STK3: variants seen among roughly 807,000 people sequenced by gnomAD.
STK3 encodes the protein serine/threonine-protein kinase 3.
A neutral mutation model predicts 58.0 loss-of-function variants in STK3; 41 were observed. That is an observed-to-expected ratio of 0.71 (90% CI 0.55 to 0.92). The LOEUF (loss-of-function observed/expected upper bound fraction) is 0.92, where lower values mean the gene tolerates loss of function less well. Ranked by LOEUF, STK3 falls within the 40% of genes least tolerant of loss-of-function variation. The pLI, the probability that STK3 is intolerant of heterozygous loss-of-function variation, is 0.00. For synonymous variants in STK3, 170 were observed against 191.0 expected, an observed-to-expected ratio of 0.89 and a Z score of 0.91; for missense variants, 479 against 602.7, an observed-to-expected ratio of 0.79 and a Z score of 2.15.
At chr8:98,746,699 G>T (rs1829663642) in intron 4 of STK3, among the ~76,000 whole-genome samples, 1 of 151,912 alleles carries the variant, frequency 6.6e-6, no homozygotes, top group South Asian at 2.1e-4. Context: ...AGGCTAAAAG[G>T]AATCACTAAC....
intron 1 of STK3, among the ~76,000 whole-genome samples, chr8:98,925,884 G>C (rs1192481123): frequency 6.6e-6 from 1 of 152,210 alleles, no homozygotes; most frequent in Non-Finnish European, 1.5e-5. Context: ...GTTTGCCCTA[G>C]TGAGTTGAAT....
At chr8:98,491,011 C>T (rs1226064788) in intron 10 of STK3, among the ~76,000 whole-genome samples, 1 of 152,064 alleles carries the variant, frequency 6.6e-6, no homozygotes, top group Non-Finnish European at 1.5e-5. Context: ...TTTATGTTGT[C>T]TGTATATTTT....
intron 3 of STK3, among the ~76,000 whole-genome samples, chr8:98,849,042 C>T (rs1205868376): frequency 1.2e-4 from 18 of 151,826 alleles, no homozygotes; most frequent in African/African-American, 4.1e-4. Flanking sequence ...CTGGCTAACA[C>T]GGTGAAACCC....
intron 4 of STK3, among the ~76,000 whole-genome samples, chr8:98,712,066 T>G (rs575381738): frequency 2.0e-5 from 3 of 152,138 alleles, no homozygotes; most frequent in African/African-American, 7.2e-5. Flanking sequence ...TAAAATACTT[T>G]ACAGACAAGC....
chr8:98,781,032 G>A (rs1832055664), intron 1 of STK3, among the ~76,000 whole-genome samples: 1 of 152,178 alleles, frequency 6.6e-6, no homozygotes, highest in Non-Finnish European at 1.5e-5. Context: ...ACAGGAAGCA[G>A]AATTATCTGT....
In STK3 at chr8:98,749,399, A is replaced by G; in HGVS notation, c.237-9T>C. 2 of 1,436,944 alleles carry G rather than the reference A, an allele frequency of 1.4e-6. No homozygotes were observed. Among genetic ancestry groups the G allele is most frequent in the Non-Finnish European group, 1.9e-6 (2 of 1,056,298 alleles). The allele number at this position is 1,436,944 out of a possible 1,614,324, so 89.0% of individuals were successfully genotyped here. On this transcript the variant is annotated splice_polypyrimidine_tract_variant and intron_variant, in intron 3 of 10. Coordinates refer to ENST00000419617, the MANE Select transcript of STK3 (RefSeq NM_006281.4). ...ACTTTACAACATATGGGCTAAAGGA[A>G]AATACATAAACAATTAAATTTAGTT... is the stretch of plus-strand genomic sequence containing the variant.
intron 6 of STK3, among the ~76,000 whole-genome samples, chr8:98,658,460 G>C (rs1821713749): frequency 6.6e-6 from 1 of 152,020 alleles, no homozygotes; most frequent in Admixed American, 6.6e-5. Flanking sequence ...CTAGTTCTGA[G>C]AGATCAAAAG....
intron 4 of STK3, among the ~76,000 whole-genome samples, chr8:98,748,589 T>TA (rs575113236): frequency 1.2e-4 from 18 of 152,052 alleles, no homozygotes; most frequent in Non-Finnish European, 2.5e-4. Context: ...TTACAAATTA[T>TA]TTCACTGATT....
intron 3 of STK3, among the ~76,000 whole-genome samples, chr8:98,866,157 C>T (rs756697108): frequency 6.6e-6 from 1 of 152,258 alleles, no homozygotes; most frequent in African/African-American, 2.4e-5. Flanking sequence ...TCTCAAAGCA[C>T]CTCCTGTTGA....
At chr8:98,360,515 C>CTT in the STK3 span, among the ~76,000 whole-genome samples, 43 of 145,928 alleles carry the variant, frequency 2.9e-4, no homozygotes, top group Middle Eastern at 3.6e-3. Flanking sequence ...CAATTTCTTT[C>CTT]TTTTTTTTTT....
chr8:98,373,258 C>A (rs115254148), intron 2 of STK3, among the ~76,000 whole-genome samples: 2,610 of 152,284 alleles, frequency 0.017, 36 homozygotes, highest in Middle Eastern at 0.031. Context: ...TGTGTCCGAG[C>A]CAGATGATTG....
intron 3 of STK3, among the ~76,000 whole-genome samples, chr8:98,846,251 T>C (rs748792750): frequency 1.3e-5 from 2 of 152,152 alleles, no homozygotes; most frequent in Non-Finnish European, 2.9e-5. Context: ...TGGAGCAGTA[T>C]TGAGTGAACC....
chr8:98,732,404 C>T (rs1403800138), intron 4 of STK3, among the ~76,000 whole-genome samples: 3 of 152,042 alleles, frequency 2.0e-5, no homozygotes, highest in African/African-American at 7.2e-5. Context: ...ATAAGTAAGA[C>T]TCTGACAGCC....
intron 9 of STK3, among the ~76,000 whole-genome samples, chr8:98,527,488 C>A (rs371900502): frequency 2.0e-5 from 3 of 151,956 alleles, no homozygotes; most frequent in Non-Finnish European, 4.4e-5. Flanking sequence ...GGTGTGGTGG[C>A]ACCTATCTGT....
At chr8:98,867,355 A>G in intron 3 of STK3, among the ~76,000 whole-genome samples, 1 of 152,176 alleles carries the variant, frequency 6.6e-6, no homozygotes, top group Admixed American at 6.5e-5. Flanking sequence ...CGGAGGTTCC[A>G]GTGAGCCGAG....
chr8:98,422,318 C>A (rs900385495), intron 3 of STK3, among the ~76,000 whole-genome samples: 2 of 152,126 alleles, frequency 1.3e-5, no homozygotes, highest in Non-Finnish European at 2.9e-5. Context: ...CTCTCCCCTC[C>A]CCCCACTCCA....
chr8:98,700,861 G>C (rs1357602647), intron 6 of STK3, among the ~76,000 whole-genome samples: 1 of 152,210 alleles, frequency 6.6e-6, no homozygotes, highest in Non-Finnish European at 1.5e-5. Context: ...AACACAAAGG[G>C]TTTTTACAGG....
At chr8:98,771,162 T>A (rs1380428177) in intron 2 of STK3, among the ~76,000 whole-genome samples, 1 of 152,262 alleles carries the variant, frequency 6.6e-6, no homozygotes, top group Non-Finnish European at 1.5e-5. Flanking sequence ...TTATCTATTC[T>A]AGATACTTCA....
intron 6 of STK3, among the ~76,000 whole-genome samples, chr8:98,667,840 A>G (rs909028333): frequency 6.6e-6 from 1 of 152,082 alleles, no homozygotes; most frequent in Admixed American, 6.5e-5. Context: ...TGTTAAAAAA[A>G]TCCATTAATT....
Sources: allele counts gnomAD v4.1 joint callset (sites outside exome capture counted in the v4.1 genomes callset), GRCh38; gene constraint gnomAD v4.1.1; transcripts MANE v1.5; gene names NCBI Gene and HGNC (gene_info 2026-07-23, HGNC 2026-07-21).